CENPI: variants seen among roughly 807,000 people sequenced by gnomAD.
CENPI encodes the protein centromere protein I.
CENPI carries 4 observed loss-of-function variants against 60.4 expected under a neutral mutation model. The observed-to-expected ratio is 0.07, with a 90% CI of 0.03 to 0.15. The LOEUF (loss-of-function observed/expected upper bound fraction) is 0.15, where lower values mean the gene tolerates loss of function less well. CENPI is among the 10% of genes least tolerant of loss of function. The pLI, the probability that CENPI is intolerant of heterozygous loss-of-function variation, is 1.00. For synonymous variants in CENPI, 157 were observed against 189.4 expected, an observed-to-expected ratio of 0.83 and a Z score of 1.40; for missense variants, 444 against 534.5, an observed-to-expected ratio of 0.83 and a Z score of 1.67.
chrX:101,143,945 T>C (rs1273910311), intron 16 of CENPI, among the ~76,000 whole-genome samples: 1 of 112,204 alleles, frequency 8.9e-6, no homozygotes, highest in Admixed American at 9.5e-5. Flanking sequence ...ACTAACAGTA[T>C]AGGAAACGAT....
At chrX:101,113,083 G>A (rs908327641) in intron 6 of CENPI, among the ~76,000 whole-genome samples, 1 of 108,651 alleles carries the variant, frequency 9.2e-6, no homozygotes, top group African/African-American at 3.4e-5. Context: ...CATACTTTAA[G>A]TCTAAAAGTG....
intron 8 of CENPI, among the ~76,000 whole-genome samples, chrX:101,123,004 C>G (rs2089696045): frequency 8.9e-6 from 1 of 112,588 alleles, no homozygotes; most frequent in Non-Finnish European, 1.9e-5. Flanking sequence ...CACTAAATGT[C>G]TGGTTTCATT....
chrX:101,157,161 A>G (rs146353486), intron 20 of CENPI, among the ~76,000 whole-genome samples: 16,832 of 111,187 alleles, frequency 0.15, 1,186 homozygotes, highest in Middle Eastern at 0.23. Flanking sequence ...CCACGCCAAC[A>G]TCTATTTTTT....
At chrX:101,121,155 C>T (rs1285113440) in intron 8 of CENPI, among the ~76,000 whole-genome samples, 1 of 111,270 alleles carries the variant, frequency 9.0e-6, no homozygotes, top group Non-Finnish European at 1.9e-5. Context: ...GGATTACAGG[C>T]GTAAGCCACC....
At chrX:101,105,201 T>G (rs1444576559) in intron 4 of CENPI, among the ~76,000 whole-genome samples, 2 of 111,904 alleles carry the variant, frequency 1.8e-5, no homozygotes, top group African/African-American at 6.5e-5. Context: ...TCAAGATCAA[T>G]TCTCCCACTC....
chrX:101,131,343 A>C (rs2090730555), intron 13 of CENPI, among the ~76,000 whole-genome samples: 2 of 111,496 alleles, frequency 1.8e-5, no homozygotes, highest in Admixed American at 1.9e-4. Context: ...AAACCATTTA[A>C]TTGGAAGCTG....
At chrX:101,150,384 A>G (rs1227668067) in intron 20 of CENPI, among the ~76,000 whole-genome samples, 4 of 107,866 alleles carry the variant, frequency 3.7e-5, no homozygotes, top group Non-Finnish European at 7.6e-5. Flanking sequence ...TTTTTTTAAG[A>G]CAAGTTGTCA....
rs1346320023 is a variant in CENPI, at chrX:101,165,375, ACT to A, written c.*2411_*2412del. Among the ~76,000 whole-genome samples the A allele has an allele frequency of 9.0e-6, 1 of 111,153 alleles. No homozygotes were observed. Among genetic ancestry groups the A allele is most frequent in the East Asian group, 2.8e-4 (1 of 3,552 alleles). ...GGGAGGGGTTAGAGGTTGGATTCAG[ACT>A]CTGTTTTGTAAGTAGAGAAGATAAT... On this transcript the variant is annotated 3_prime_UTR_variant, in exon 22 of 22. Transcript: ENST00000682095.
chrX:101,102,658 G>A (rs1465929608), intron 4 of CENPI, among the ~76,000 whole-genome samples: 1 of 107,726 alleles, frequency 9.3e-6, no homozygotes, highest in Non-Finnish European at 1.9e-5. Flanking sequence ...ACCGCACCTG[G>A]CTCGAGGGGG....
chrX:101,107,060 CAAAAAAAAAAA>C (rs777807842), intron 4 of CENPI, among the ~76,000 whole-genome samples: 8 of 62,153 alleles, frequency 1.3e-4, no homozygotes, highest in South Asian at 1.0e-3. Context: ...GACCCTGTCT[CAAAAAAAAAAA>C]AAAAAAAAAA....
At chrX:101,167,822 A>G (rs1409356697), downstream of CENPI, among the ~76,000 whole-genome samples, 1 of 112,281 alleles carries the variant, frequency 8.9e-6, no homozygotes, top group East Asian at 2.8e-4. Context: ...ACCCAACTTC[A>G]TGTTGCAGAA....
chrX:101,111,567 G>A (rs1357275433), intron 6 of CENPI, among the ~76,000 whole-genome samples: 1 of 110,999 alleles, frequency 9.0e-6, no homozygotes, highest in African/African-American at 3.3e-5. Context: ...GTCAAATGAA[G>A]CAGTAAAAAT....
In CENPI at chrX:101,146,133, G is replaced by A; in HGVS notation, c.1702-20G>A. On this transcript the variant is annotated intron_variant, in intron 17 of 21. Transcript: ENST00000682095. ...TCTGGGGAATACTCTGTATACTGAT[G>A]TTATCATTCTTCCTCCAAGGTGTGT... 1 of 1,190,577 alleles carries A rather than the reference G, an allele frequency of 8.4e-7. No homozygotes were observed. Among genetic ancestry groups the A allele is most frequent in the Non-Finnish European group, 1.1e-6 (1 of 880,124 alleles).
At chrX:101,134,066 A>G (rs2089823480) in intron 15 of CENPI, among the ~76,000 whole-genome samples, 1 of 111,963 alleles carries the variant, frequency 8.9e-6, no homozygotes, top group African/African-American at 3.2e-5. Context: ...TGCCTCTAAA[A>G]TGAGAGAAAC....
Position 101,109,602 on chromosome X carries a change from T to TAA in CENPI, c.483+13_483+14dup. The stretch of plus-strand genomic sequence containing the variant: ...TCTGGTAGCACCAAGGTAATCTTTT[T>TAA]AAACACTTTGATGATAAGTCCTTCA... On this transcript the variant is annotated intron_variant, in intron 5 of 21. Coordinates refer to ENST00000682095, the MANE Select transcript of CENPI (RefSeq NM_001386188.2). The TAA allele has an allele frequency of 8.8e-7, 1 of 1,140,900 alleles. No homozygotes were observed. Among genetic ancestry groups the TAA allele is most frequent in the Non-Finnish European group, 1.2e-6 (1 of 831,611 alleles). 94.0% of individuals were successfully genotyped at this position (1,140,900 alleles called of 1,213,427 possible).
intron 20 of CENPI, among the ~76,000 whole-genome samples, chrX:101,152,073 C>CT (rs201746153): frequency 0.016 from 1,698 of 108,247 alleles, 9 homozygotes; most frequent in Middle Eastern, 0.088. Flanking sequence ...CTAGAAGTTT[C>CT]TTTTTTTTTG....
At chrX:101,162,711 C>T (rs2090122220) in intron 21 of CENPI, 122 bp from the exon 22 acceptor site, 2 of 733,983 alleles carry the variant, frequency 2.7e-6, no homozygotes, top group Non-Finnish European at 4.0e-6. Flanking sequence ...CATTTCCCCC[C>T]CGAACTAATT....
Position 101,127,186 on chromosome X carries a change from G to A in CENPI, c.826G>A (p.Val276Met), listed in dbSNP as rs144553945. 1.0e-3 allele frequency: 1,186 copies of A among 1,189,898 alleles called. 6 individuals are homozygous for A. The African/African-American group carries it at 0.017, about 17-fold the overall frequency. ...TCTATGGAAGACGGCTCTGCTTGCCGTGAAGCAAAGAAACCGGGGACCTTC... is the reference window on the plus strand; with the variant it reads ...TCTATGGAAGACGGCTCTGCTTGCCATGAAGCAAAGAAACCGGGGACCTTC... ...ENLWKTALLA[V>M]KQRNRGPSPE... The change falls in exon 10 of 22, where the codon GTG becomes ATG. Residue 276 changes from valine to methionine, a missense_variant. Val to Met is a conservative substitution (Grantham distance 21, BLOSUM62 1). Coordinates refer to ENST00000682095, the MANE Select transcript of CENPI (RefSeq NM_001386188.2).
At chrX:101,128,256 C>T (rs1364932076) in intron 11 of CENPI, among the ~76,000 whole-genome samples, 1 of 111,527 alleles carries the variant, frequency 9.0e-6, no homozygotes, top group African/African-American at 3.3e-5. Context: ...TTGCTTGAAC[C>T]TGGGAGGCGG....
Sources: gnomAD v4.1 joint callset for allele counts (sites outside exome capture counted in the v4.1 genomes callset) on GRCh38, gnomAD v4.1.1 for gene constraint, MANE v1.5 for transcripts, NCBI Gene and HGNC (gene_info 2026-07-23, HGNC 2026-07-21) for gene names.